The following MYBL1 variants were observed in gnomAD, a reference collection of about 807,000 sequenced individuals.
MYBL1 encodes myb-related protein A.
MYBL1 carries 17 observed loss-of-function variants against 96.3 expected under a neutral mutation model. The ratio of observed to expected loss-of-function variants is 0.18; its 90% CI spans 0.12 to 0.26. The LOEUF is 0.26. MYBL1 is among the 10% of genes least tolerant of loss of function. The probability of loss-of-function intolerance (pLI) is 1.00; values close to 1 mark genes in which losing one functional copy is unlikely to be tolerated. For missense variants in MYBL1, 701 were observed against 882.9 expected (o/e 0.79, Z 2.61); for synonymous variants, 282 against 292.7 (o/e 0.96, Z 0.37).
chr8:66,612,902 C>A lies in MYBL1; in HGVS notation c.-64G>T, dbSNP rs1172218288. The A allele has an allele frequency of 7.6e-7, 1 of 1,323,130 alleles. No individual in the cohort carries two copies. The highest frequency in any genetic ancestry group is 9.8e-7 in the Non-Finnish European group (1 of 1,024,726). The allele number at this position is 1,323,130 out of a possible 1,614,324, so 82.0% of individuals were successfully genotyped here. Reference sequence around the variant, plus strand: ...CGGGTCAGCCTCCTCCAGCCTCCGGCGAATGCTCCTTCTCCCCGATCCTCT... The same window carrying A: ...CGGGTCAGCCTCCTCCAGCCTCCGGAGAATGCTCCTTCTCCCCGATCCTCT... On this transcript the variant is annotated 5_prime_UTR_variant, in exon 1 of 16. Coordinates refer to ENST00000522677, the MANE Select transcript of MYBL1 (RefSeq NM_001080416.4).
At chr8:66,608,183 A>G (rs971285999) in intron 1 of MYBL1, among the ~76,000 whole-genome samples, 1 of 152,200 alleles carries the variant, frequency 6.6e-6, no homozygotes, top group Non-Finnish European at 1.5e-5. Context: ...TTAACTGTAA[A>G]ATTTTGCCCC....
chr8:66,606,368 T>C (rs752740193), intron 1 of MYBL1, among the ~76,000 whole-genome samples: 2 of 152,232 alleles, frequency 1.3e-5, no homozygotes, highest in Non-Finnish European at 2.9e-5. Flanking sequence ...GATCACCTAA[T>C]AGTATTCAAA....
At position 66,566,242 on chromosome 8, in the gene MYBL1, G is replaced by C; in HGVS notation, c.1952C>G (p.Ser651Ter). The C allele has an allele frequency of 6.9e-7, 1 of 1,442,160 alleles. No individual in the cohort carries two copies. The highest frequency in any genetic ancestry group is 9.3e-7 in the Non-Finnish European group (1 of 1,070,130). 89.3% of individuals were successfully genotyped at this position (1,442,160 alleles called of 1,614,324 possible). The stretch of plus-strand genomic sequence containing the variant: ...TAAGGATGTAGTAAATCTATTTTCT[G>C]ACTAAGAGAGAAAAAAGAAAGAGGA... ...LLTEDISDMQSENRFTTSLLM... is the reference protein window; with the variant it reads ...LLTEDISDMQ Residue 651 changes from serine to a stop codon, truncating the protein, a stop_gained and splice_region_variant, in exon 15 of 16, where the codon TCA (serine) becomes TGA (stop). Coordinates refer to ENST00000522677, the MANE Select transcript of MYBL1 (RefSeq NM_001080416.4). LOFTEE classifies it high-confidence loss of function.
At position 66,580,178 on chromosome 8, in the gene MYBL1, C is replaced by T. The variant is rs1809142500; in HGVS notation, c.1056G>A (p.Leu352=). 1 of 1,613,748 alleles carries T rather than the reference C, an allele frequency of 6.2e-7. No individual in the cohort carries two copies. The highest frequency in any genetic ancestry group is 1.7e-5 in the Admixed American group (1 of 59,970). ...AVEANAVLSS[L]QTIPEFAETL... is the part of the protein sequence containing the mutation. The stretch of plus-strand genomic sequence containing the variant: ...TCTCTGCAAATTCTGGGATGGTCTG[C>T]AAAGAGGATAACACAGCGTTTGCCT... The change falls in exon 9 of 16, where the codon TTG becomes TTA. Residue 352 remains leucine (L), a synonymous_variant. Transcript: ENST00000522677.
At position 66,566,319 on chromosome 8, in the gene MYBL1, T is replaced by A. The variant is rs989550086; in HGVS notation, c.1951-76A>T. 2.2e-5 allele frequency: 18 copies of A among 818,690 alleles called. No homozygotes were observed. The highest frequency in any genetic ancestry group is 3.7e-4 in the Middle Eastern group (1 of 2,730). The allele number at this position is 818,690 out of a possible 1,614,324, so 50.7% of individuals were successfully genotyped here. On this transcript the variant is annotated intron_variant, in intron 14 of 15. Coordinates refer to ENST00000522677, the MANE Select transcript of MYBL1 (RefSeq NM_001080416.4). Reference sequence around the variant, plus strand: ...AATGGAGGGACTACTGAGTAAGTGGTAATGGAAGCCCTGTTTATTTCCCTC... The same window carrying A: ...AATGGAGGGACTACTGAGTAAGTGGAAATGGAAGCCCTGTTTATTTCCCTC...
At chr8:66,593,478 G>A (rs943413997) in intron 6 of MYBL1, among the ~76,000 whole-genome samples, 4 of 152,090 alleles carry the variant, frequency 2.6e-5, no homozygotes, top group Non-Finnish European at 4.4e-5. Flanking sequence ...TATTAAATCT[G>A]ACATTCACCA....
At chr8:66,601,628 G>C in intron 3 of MYBL1, 70 bp downstream of exon 3, 2 of 885,496 alleles carry the variant, frequency 2.3e-6, no homozygotes, top group Non-Finnish European at 3.4e-6. Flanking sequence ...ACACATTTTT[G>C]AAAAATAGCA....
In MYBL1 at chr8:66,564,286, T is replaced by C. The variant is rs1302717631; in HGVS notation, c.*411A>G. The C allele has an allele frequency of 6.5e-6, 1 of 152,716 alleles. No homozygotes were observed. Among genetic ancestry groups the C allele is most frequent in the African/African-American group, 2.4e-5 (1 of 41,458 alleles). The allele number at this position is 152,716 out of a possible 1,614,324, so 9.5% of individuals were successfully genotyped here. A position where few individuals can be genotyped will look rare whatever the true frequency, so the allele number is the denominator to read the frequency against. Reference sequence around the variant, plus strand: ...TAAATCAGCACATGGGCAAAAGTACTTCATAAAATCATGTGTGCTTTCCAT... The same window carrying C: ...TAAATCAGCACATGGGCAAAAGTACCTCATAAAATCATGTGTGCTTTCCAT... On this transcript the variant is annotated 3_prime_UTR_variant, in exon 16 of 16. Transcript: ENST00000522677.
chr8:66,571,809 C>G (rs1427912518), intron 12 of MYBL1, among the ~76,000 whole-genome samples: 3 of 149,270 alleles, frequency 2.0e-5, no homozygotes, highest in Non-Finnish European at 4.4e-5. Context: ...ACCCAGGAGG[C>G]GGAGGTTGCA....
At chr8:66,598,954 T>A (rs1263734634) in intron 4 of MYBL1, 96 bp downstream of exon 4, 1 of 673,810 alleles carries the variant, frequency 1.5e-6, no homozygotes, top group African/African-American at 1.9e-5. Flanking sequence ...AAAATCAAAG[T>A]GACTTAAACA....
chr8:66,572,673 G>T, intron 11 of MYBL1, 77 bp from the exon 12 acceptor site: 1 of 648,378 alleles, frequency 1.5e-6, no homozygotes. Context: ...AGCAATTTAA[G>T]CACACGCTAA....
rs201510981 is a variant in MYBL1, at chr8:66,595,680, C to T, written c.590G>A (p.Gly197Glu). 4,809 of 1,583,904 alleles carry T rather than the reference C, an allele frequency of 3.0e-3. 13 individuals carry two copies. Among genetic ancestry groups the T allele is most frequent in the Non-Finnish European group, 3.8e-3 (4,471 of 1,163,160 alleles). Residue 197 changes from glycine (G) to glutamate (E), a missense_variant, in exon 6 of 16, where the codon GGA becomes GAA. Gly to Glu is a moderately conservative substitution (Grantham distance 98, BLOSUM62 -2). Coordinates refer to ENST00000522677, the MANE Select transcript of MYBL1 (RefSeq NM_001080416.4). Reference protein sequence around the residue: ...KVEQEGYLQDGIKSERSSSKL... With the variant: ...KVEQEGYLQDEIKSERSSSKL... ...AGATGAAGATCGTTCTGATTTTATT[C>T]CATCTTGTAAATAGCCCTCCTGTTC...
intron 9 of MYBL1, among the ~76,000 whole-genome samples, chr8:66,579,423 G>A (rs1241423741): frequency 3.9e-5 from 6 of 151,910 alleles, no homozygotes; most frequent in African/African-American, 7.3e-5. Context: ...TTGGGAGGCC[G>A]AGGTGGGAGG....
At chr8:66,586,042 G>GT (rs578179482) in intron 8 of MYBL1, among the ~76,000 whole-genome samples, 10,376 of 105,808 alleles carry the variant, frequency 0.098, 1,184 homozygotes, top group African/African-American at 0.25. Flanking sequence ...GTTTTTTGGT[G>GT]TTTTTTTTTT....
At chr8:66,582,968 A>G (rs1324122207) in intron 8 of MYBL1, among the ~76,000 whole-genome samples, 1 of 152,130 alleles carries the variant, frequency 6.6e-6, no homozygotes, top group Non-Finnish European at 1.5e-5. Context: ...AGAAACAAAC[A>G]TTGGCTTTAA....
At chr8:66,577,714 A>T (rs1329327167) in intron 9 of MYBL1, among the ~76,000 whole-genome samples, 3 of 152,236 alleles carry the variant, frequency 2.0e-5, no homozygotes, top group South Asian at 2.1e-4. Context: ...TCTTCACAGA[A>T]TTGGAAAAAA....
chr8:66,591,338 C>T (rs1809635103), intron 8 of MYBL1, among the ~76,000 whole-genome samples: 1 of 151,490 alleles, frequency 6.6e-6, no homozygotes, highest in South Asian at 2.1e-4. Context: ...CAGAGCAAAA[C>T]TCTGTCTCAA....
rs575209582 is a variant in MYBL1 at position 66,582,064 on chromosome 8, A to C, written c.868-1698T>G. ...CACAAAGGAGAAAGATAAAATAATC[A>C]AACCACTGTACTACAGAAAACCACC... On this transcript the variant is annotated intron_variant, in intron 8 of 15. Transcript: ENST00000522677. 3.3e-5 allele frequency among the ~76,000 whole-genome samples: 5 copies of C among 152,340 alleles called. No homozygotes were observed. The East Asian group carries it at 9.6e-4, about 29-fold the overall frequency.
chr8:66,602,440 C>A lies in MYBL1; in HGVS notation c.104G>T (p.Arg35Ile). The change falls in exon 2 of 16, where the codon AGA (arginine) becomes ATA (isoleucine). Residue 35 changes from arginine (R) to isoleucine (I), a missense_variant. By Grantham distance (97) the Arg-to-Ile change is moderately conservative. Transcript: ENST00000522677. ...TACCTCGTCCCTTGTCCATTTTACT[C>A]TGTTCCAGAGTTTCTTCAGTCCTTT... Reference protein sequence around the residue: ...QQKGLKKLWNRVKWTRDEDDK... With the variant: ...QQKGLKKLWNIVKWTRDEDDK... The A allele has an allele frequency of 6.3e-7, 1 of 1,599,154 alleles. No individual in the cohort carries two copies. Among genetic ancestry groups the A allele is most frequent in the South Asian group, 1.1e-5 (1 of 89,382 alleles).
Sources: gnomAD v4.1 joint callset for allele counts (sites outside exome capture counted in the v4.1 genomes callset) on GRCh38, gnomAD v4.1.1 for gene constraint, MANE v1.5 for transcripts, NCBI Gene and HGNC (gene_info 2026-07-23, HGNC 2026-07-21) for gene names.